Variants in POU2F1 observed in about 807,000 individuals in gnomAD.
POU2F1 encodes the protein POU domain, class 2, transcription factor 1.
POU2F1 carries 16 observed loss-of-function variants against 84.9 expected under a neutral mutation model. The observed-to-expected ratio is 0.19, with a 90% CI of 0.13 to 0.29. POU2F1 has a LOEUF of 0.29. POU2F1 is among the 10% of genes least tolerant of loss of function. POU2F1 has a pLI of 1.00. For missense variants in POU2F1, 738 were observed against 942.6 expected (o/e 0.78, Z 2.84); for synonymous variants, 368 against 368.3 (o/e 1.00, Z 0.01).
rs192139482 is a variant in POU2F1, at chr1:167,424,482, G to A, written c.*8672G>A. The A allele has an allele frequency of 2.0e-5, 3 of 152,346 alleles. No individual in the cohort carries two copies. Among genetic ancestry groups the A allele is most frequent in the African/African-American group, 7.2e-5 (3 of 41,558 alleles). 9.4% of individuals were successfully genotyped at this position (152,346 alleles called of 1,614,324 possible). On this transcript the variant is annotated 3_prime_UTR_variant, in exon 16 of 16. Transcript: ENST00000367866. ...GTGAAGGCTAGGTGAGTAAGCGTGG[G>A]CTGTTCTACCCACCAGAAGTCCAGG...
chr1:167,381,395 T>G (rs960265673), intron 7 of POU2F1, among the ~76,000 whole-genome samples: 22 of 151,846 alleles, frequency 1.4e-4, no homozygotes, highest in Admixed American at 1.3e-3. Flanking sequence ...GCATTGGTTT[T>G]TTAAAAAGTT....
At chr1:167,283,540 G>T (rs556901169) in intron 1 of POU2F1, among the ~76,000 whole-genome samples, 1 of 152,274 alleles carries the variant, frequency 6.6e-6, no homozygotes, top group South Asian at 2.1e-4. Flanking sequence ...TGTGTGTATT[G>T]GTGATTATTT....
At chr1:167,299,868 C>T (rs1248969116) in intron 1 of POU2F1, among the ~76,000 whole-genome samples, 2 of 152,106 alleles carry the variant, frequency 1.3e-5, no homozygotes, top group Non-Finnish European at 2.9e-5. Context: ...CCCCCACCTC[C>T]AGAGGTTCTG....
intron 1 of POU2F1, among the ~76,000 whole-genome samples, chr1:167,245,623 G>A (rs1234055705): frequency 6.6e-6 from 1 of 152,042 alleles, no homozygotes; most frequent in African/African-American, 2.4e-5. Flanking sequence ...ACATTGGTCA[G>A]GCTGGTCTCG....
chr1:167,325,580 A>G (rs1313576920), intron 1 of POU2F1, among the ~76,000 whole-genome samples: 1 of 152,098 alleles, frequency 6.6e-6, no homozygotes, highest in African/African-American at 2.4e-5. Flanking sequence ...AAGATCATGA[A>G]TATAAAAATA....
At position 167,395,645 on chromosome 1, in the gene POU2F1, C is replaced by T. The variant is rs566504979; in HGVS notation, c.988-641C>T. Among the ~76,000 whole-genome samples the T allele has an allele frequency of 2.8e-4, 43 of 152,170 alleles. No individual in the cohort carries two copies. In the South Asian group the frequency reaches 8.9e-3, roughly 32 times the overall value. On this transcript the variant is annotated intron_variant, in intron 9 of 15. Coordinates refer to ENST00000367866, the MANE Select transcript of POU2F1 (RefSeq NM_002697.4). ...TTTGAGACAGGATCTCGCTCTGTCA[C>T]CCAGACTGGAGTGCGGTGCCATGAT...
chr1:167,414,513 A>G (rs1408089820), intron 15 of POU2F1: 1 of 985,226 alleles, frequency 1.0e-6, no homozygotes, highest in Admixed American at 6.1e-5. Context: ...TCAAATCTAC[A>G]TGTAGGAGTG....
intron 1 of POU2F1, among the ~76,000 whole-genome samples, chr1:167,254,785 A>G (rs1651011448): frequency 6.6e-6 from 1 of 152,200 alleles, no homozygotes; most frequent in Non-Finnish European, 1.5e-5. Context: ...AAAAATATTT[A>G]GCTAGAATGC....
At position 167,311,771 on chromosome 1, in the gene POU2F1, CATTTATTTATTT is replaced by C. The variant is rs3059735; in HGVS notation, c.62-20670_62-20659del. ...GCTACTATGGGTTATTACAAAAAAT[CATTTATTTATTT>C]ATTTATTTATTTATTTATTTATTTA... On this transcript the variant is annotated intron_variant, in intron 1 of 15. Transcript: ENST00000367866. 4.0e-3 allele frequency among the ~76,000 whole-genome samples: 572 copies of C among 144,728 alleles called. 1 individual carries two copies. The highest frequency in any genetic ancestry group is 6.0e-3 in the Non-Finnish European group (400 of 66,242). The allele number at this position is 144,728 out of a possible 152,430, so 94.9% of individuals were successfully genotyped here.
rs941772411 is a variant in POU2F1 at position 167,374,269 on chromosome 1, C to T, written c.564C>T (p.Pro188=). 3.7e-6 allele frequency: 6 copies of T among 1,611,774 alleles called. No individual in the cohort carries two copies. The highest frequency in any genetic ancestry group is 5.1e-6 in the Non-Finnish European group (6 of 1,179,240). Residue 188 remains proline, a synonymous_variant, in exon 6 of 16, where the codon CCC becomes CCT. Coordinates refer to ENST00000367866, the MANE Select transcript of POU2F1 (RefSeq NM_002697.4). Reference sequence around the variant, plus strand: ...CTGCCACGCCCATGACGCAGATCCCCCTGTCTCAGCCCATACAGATCGCAC... The same window carrying T: ...CTGCCACGCCCATGACGCAGATCCCTCTGTCTCAGCCCATACAGATCGCAC... ...ASAATPMTQI[P]LSQPIQIAQD...
chr1:167,314,376 T>C (rs1655728588), intron 1 of POU2F1, among the ~76,000 whole-genome samples: 1 of 152,142 alleles, frequency 6.6e-6, no homozygotes, highest in South Asian at 2.1e-4. Flanking sequence ...AAATAAAAAA[T>C]AGTGACAATA....
At chr1:167,405,986 A>G (rs1053405769) in intron 13 of POU2F1, among the ~76,000 whole-genome samples, 1 of 152,224 alleles carries the variant, frequency 6.6e-6, no homozygotes, top group Non-Finnish European at 1.5e-5. Flanking sequence ...ACATGCATCA[A>G]AGAAGAAATA....
intron 2 of POU2F1, among the ~76,000 whole-genome samples, chr1:167,339,286 T>C (rs1657680043): frequency 6.6e-6 from 1 of 152,182 alleles, no homozygotes; most frequent in East Asian, 1.9e-4. Context: ...ATTTGCAAAA[T>C]ACCTTTTGCC....
chr1:167,382,682 T>C (rs1489577974), intron 7 of POU2F1, among the ~76,000 whole-genome samples: 1 of 152,202 alleles, frequency 6.6e-6, no homozygotes, highest in Non-Finnish European at 1.5e-5. Flanking sequence ...TAAGAAATGT[T>C]TGTAGTAATA....
Position 167,399,177 on chromosome 1 carries a change from A to C in POU2F1, c.1270-9A>C. 1 of 1,593,140 alleles carries C rather than the reference A, an allele frequency of 6.3e-7. No homozygotes were observed. Among genetic ancestry groups the C allele is most frequent in the Non-Finnish European group, 8.6e-7 (1 of 1,169,186 alleles). The stretch of plus-strand genomic sequence containing the variant: ...ATAGCTTTTGGAATTACATCTTTTC[A>C]CCCTGCAGAATCAAAAGCCTACCTC... On this transcript the variant is annotated splice_polypyrimidine_tract_variant and intron_variant, in intron 11 of 15. Coordinates refer to ENST00000367866, the MANE Select transcript of POU2F1 (RefSeq NM_002697.4).
At chr1:167,241,978 A>AG (rs964035053) in intron 1 of POU2F1, among the ~76,000 whole-genome samples, 3 of 152,224 alleles carry the variant, frequency 2.0e-5, no homozygotes, top group African/African-American at 7.2e-5. Context: ...GAGTTCTCAG[A>AG]GCCTAAGTTT....
At chr1:167,240,008 C>T (rs888979004) in intron 1 of POU2F1, among the ~76,000 whole-genome samples, 1 of 150,440 alleles carries the variant, frequency 6.6e-6, no homozygotes, top group African/African-American at 2.4e-5. Context: ...TGACATGACA[C>T]ACAACTCAAA....
At chr1:167,295,460 T>C (rs549641031) in intron 1 of POU2F1, among the ~76,000 whole-genome samples, 3 of 152,336 alleles carry the variant, frequency 2.0e-5, no homozygotes, top group South Asian at 4.1e-4. Flanking sequence ...TTCTCACTTA[T>C]AAGTGGGAAC....
In POU2F1 at chr1:167,240,275, A is replaced by G. The variant is rs150706945; in HGVS notation, c.61+19317A>G. Among the ~76,000 whole-genome samples the G allele has an allele frequency of 4.1e-3, 626 of 152,344 alleles. 5 individuals are homozygous for G. Among genetic ancestry groups the G allele is most frequent in the African/African-American group, 0.015 (604 of 41,580 alleles). On this transcript the variant is annotated intron_variant, in intron 1 of 15. Coordinates refer to ENST00000367866, the MANE Select transcript of POU2F1 (RefSeq NM_002697.4). The stretch of plus-strand genomic sequence containing the variant: ...GGCTGTGAAGATATGAACCCTGACT[A>G]GAAGCCTCTGCTGTAAAGACAGAAC...
Sources: allele counts gnomAD v4.1 joint callset (sites outside exome capture counted in the v4.1 genomes callset), GRCh38; gene constraint gnomAD v4.1.1; transcripts MANE v1.5; gene names NCBI Gene and HGNC (gene_info 2026-07-23, HGNC 2026-07-21).